Variants in NTM observed in about 807,000 individuals in gnomAD.
NTM encodes the protein neurotrimin, also known as IgLON family member 2.
Under a neutral mutation model 42.1 loss-of-function variants are expected in NTM, and 13 were observed. That is an observed-to-expected ratio of 0.31 (90% confidence interval 0.20 to 0.49). The LOEUF is 0.49. NTM is among the 20% of genes least tolerant of loss of function. The pLI, the probability that NTM is intolerant of heterozygous loss-of-function variation, is 0.99. For synonymous variants in NTM, 187 were observed against 179.2 expected (o/e 1.04, Z -0.35); for missense variants, 373 against 452.8 (o/e 0.82, Z 1.60).
intron 1 of NTM, among the ~76,000 whole-genome samples, chr11:131,576,731 GATA>G (rs1389756501): frequency 2.0e-5 from 3 of 152,312 alleles, no homozygotes; most frequent in East Asian, 1.9e-4. Flanking sequence ...CATCAAATTT[GATA>G]ATAAGATGAT....
chr11:131,558,741 C>A (rs61901935), intron 1 of NTM, among the ~76,000 whole-genome samples: 19 of 151,950 alleles, frequency 1.3e-4, no homozygotes, highest in Admixed American at 1.3e-4. Context: ...ATAAGGTTCA[C>A]GTCTTTGAGA....
chr11:132,014,736 G>T (rs372166364), intron 2 of NTM, among the ~76,000 whole-genome samples: 358 of 83,772 alleles, frequency 4.3e-3, no homozygotes, highest in East Asian at 0.01. Flanking sequence ...AGAATTACTT[G>T]TTTTTTTTTT....
At chr11:132,055,156 G>T (rs199865338) in intron 2 of NTM, among the ~76,000 whole-genome samples, 1 of 152,290 alleles carries the variant, frequency 6.6e-6, no homozygotes, top group Admixed American at 6.5e-5. Context: ...CTGTTTCTTT[G>T]ACTGTCAATC....
At chr11:131,865,323 A>G (rs2047023085) in intron 1 of NTM, among the ~76,000 whole-genome samples, 1 of 152,234 alleles carries the variant, frequency 6.6e-6, no homozygotes, top group Middle Eastern at 3.2e-3. Context: ...TTTGCCAGGT[A>G]ACAATGTGCT....
At chr11:132,291,725 C>T (rs539089985) in intron 4 of NTM, among the ~76,000 whole-genome samples, 3 of 152,268 alleles carry the variant, frequency 2.0e-5, no homozygotes, top group East Asian at 3.9e-4. Flanking sequence ...GAGATTATGA[C>T]ATTATAGAAG....
intron 2 of NTM, among the ~76,000 whole-genome samples, chr11:132,009,085 C>T (rs996546581): frequency 6.6e-6 from 1 of 152,162 alleles, no homozygotes; most frequent in Non-Finnish European, 1.5e-5. Context: ...GATGGTCCAG[C>T]CCTCCCTCTG....
At chr11:131,558,616 T>C (rs1268269230) in intron 1 of NTM, among the ~76,000 whole-genome samples, 1 of 152,218 alleles carries the variant, frequency 6.6e-6, no homozygotes, top group Non-Finnish European at 1.5e-5. Flanking sequence ...CTGAGAAGTT[T>C]AGACTATTCT....
intron 3 of NTM, among the ~76,000 whole-genome samples, chr11:132,183,424 G>A (rs148923645): frequency 3.3e-5 from 5 of 152,204 alleles, no homozygotes; most frequent in Admixed American, 1.3e-4. Flanking sequence ...GCATGATACC[G>A]GGAAGACACA....
chr11:132,056,141 G>A (rs2079618033), intron 2 of NTM, among the ~76,000 whole-genome samples: 2 of 152,312 alleles, frequency 1.3e-5, no homozygotes, highest in South Asian at 2.1e-4. Context: ...TCCTCCCATT[G>A]TAAAATTAAG....
At chr11:131,712,175 AAAAAAAAAAC>A (rs2077235561) in intron 1 of NTM, among the ~76,000 whole-genome samples, 2 of 145,274 alleles carry the variant, frequency 1.4e-5, no homozygotes, top group South Asian at 2.2e-4. Context: ...TAAAAAATTA[AAAAAAAAAAC>A]AAAAAAAAAC....
chr11:131,753,643 C>T, intron 1 of NTM, among the ~76,000 whole-genome samples: 1 of 150,150 alleles, frequency 6.7e-6, no homozygotes, highest in Non-Finnish European at 1.5e-5. Flanking sequence ...ATCCCAAGAA[C>T]AAAAAACCAA....
chr11:131,846,197 T>A (rs1054938925), intron 1 of NTM, among the ~76,000 whole-genome samples: 1 of 152,228 alleles, frequency 6.6e-6, no homozygotes, highest in Non-Finnish European at 1.5e-5. Flanking sequence ...AATTTATTAC[T>A]ATATACCAAT....
At chr11:131,821,757 C>T (rs567081388) in intron 1 of NTM, among the ~76,000 whole-genome samples, 1 of 152,280 alleles carries the variant, frequency 6.6e-6, no homozygotes, top group East Asian at 1.9e-4. Context: ...CCCACTGACT[C>T]TCTTTGTTTG....
intron 2 of NTM, among the ~76,000 whole-genome samples, chr11:132,113,484 A>G (rs1368311738): frequency 6.6e-6 from 1 of 152,152 alleles, no homozygotes; most frequent in African/African-American, 2.4e-5. Context: ...GATCAAAACA[A>G]GCGTTTGCTT....
intron 1 of NTM, among the ~76,000 whole-genome samples, chr11:131,671,203 A>G (rs955594665): frequency 6.6e-6 from 1 of 152,098 alleles, no homozygotes; most frequent in Admixed American, 6.5e-5. Context: ...GTCTGCACTC[A>G]GCAACTTTAT....
chr11:131,889,922 C>T (rs2137467069), intron 1 of NTM, among the ~76,000 whole-genome samples: 1 of 152,284 alleles, frequency 6.6e-6, no homozygotes, highest in African/African-American at 2.4e-5. Flanking sequence ...CCTTCAGAAA[C>T]TTCCTACTTA....
chr11:132,301,557 C>T (rs1203934781), intron 4 of NTM, among the ~76,000 whole-genome samples: 2 of 152,210 alleles, frequency 1.3e-5, no homozygotes, highest in African/African-American at 4.8e-5. Flanking sequence ...CTGAGCAAAA[C>T]CATGCCTTCA....
chr11:131,963,025 G>A lies in NTM; in HGVS notation c.167+51377G>A, dbSNP rs189574067. Among the ~76,000 whole-genome samples, 32 of 152,216 alleles carry A rather than the reference G, an allele frequency of 2.1e-4. No individual in the cohort carries two copies. The East Asian group carries it at 3.9e-3, about 18-fold the overall frequency. On this transcript the variant is annotated intron_variant, in intron 2 of 8. Coordinates refer to ENST00000683400, the MANE Select transcript of NTM (RefSeq NM_001352005.2). ...TCATATCCCTGACACAGCCTGGGAC[G>A]CCCACTTCCTTACTTTTCCAGAAAG...
Position 131,752,129 on chromosome 11 carries a change from T to C in NTM, c.83-159435T>C, listed in dbSNP as rs190642321. ...TGGTAACCAACTGTTGGGGAGGATA[T>C]AGAGCCACTGTAACTGTCACACACT... is the stretch of plus-strand genomic sequence containing the variant. On this transcript the variant is annotated intron_variant, in intron 1 of 8. Coordinates refer to ENST00000683400, the MANE Select transcript of NTM (RefSeq NM_001352005.2). Among the ~76,000 whole-genome samples, 541 of 152,310 alleles carry C rather than the reference T, an allele frequency of 3.6e-3. 4 individuals carry two copies. Among genetic ancestry groups the C allele is most frequent in the African/African-American group, 0.012 (509 of 41,572 alleles).
Sources: gnomAD v4.1 joint callset for allele counts (sites outside exome capture counted in the v4.1 genomes callset) on GRCh38, gnomAD v4.1.1 for gene constraint, MANE v1.5 for transcripts, NCBI Gene and HGNC (gene_info 2026-07-23, HGNC 2026-07-21) for gene names.